Variants in PRKAR1B observed in about 807,000 individuals in gnomAD.
The protein encoded by PRKAR1B is protein kinase cAMP-dependent type I regulatory subunit beta.
In PRKAR1B, 22 loss-of-function variants were observed where a neutral mutation model predicts 46.5. The observed-to-expected ratio is 0.47, with a 90% CI of 0.34 to 0.68. The LOEUF (loss-of-function observed/expected upper bound fraction) is 0.68, where lower values mean the gene tolerates loss of function less well. Ranked by LOEUF, PRKAR1B falls within the 30% of genes least tolerant of loss-of-function variation. The pLI, the probability that PRKAR1B is intolerant of heterozygous loss-of-function variation, is 0.01. For missense variants in PRKAR1B, 445 were observed against 535.6 expected, an observed-to-expected ratio of 0.83 and a Z score of 1.67; for synonymous variants, 259 against 217.7, an observed-to-expected ratio of 1.19 and a Z score of -1.67.
Position 550,488 on chromosome 7 carries a change from G to A in PRKAR1B, c.1088C>T (p.Ser363Phe). 6.3e-7 allele frequency: 1 copy of A among 1,599,460 alleles called. No individual in the cohort carries two copies. Among genetic ancestry groups the A allele is most frequent in the Non-Finnish European group, 8.5e-7 (1 of 1,173,660 alleles). Residue 363 changes from serine to phenylalanine, a missense_variant, in exon 11 of 11, where the codon TCT becomes TTT. This residue lies in a region of PRKAR1B where 127 missense variants were observed against 138.0 expected (regional missense o/e 0.92). Coordinates refer to ENST00000537384, the MANE Select transcript of PRKAR1B (RefSeq NM_001164760.2). ...PRFERVLGPC[S>F]EILKRNIQRY... is the part of the protein sequence containing the mutation. ...CTGAATGTTCCTCTTGAGGATCTCAGAGCAGGGCCCCAGCACACGCTCGAA... is the reference window on the plus strand; with the variant it reads ...CTGAATGTTCCTCTTGAGGATCTCAAAGCAGGGCCCCAGCACACGCTCGAA...
Position 680,585 on chromosome 7 carries a change from C to T in PRKAR1B, c.319G>A (p.Glu107Lys). ...RGGVSAEVYT[E>K]EDAVSYVRKV... The stretch of plus-strand genomic sequence containing the variant: ...CTGACGTAGGACACGGCGTCCTCCT[C>T]GGTGTACACCTCGGCACTCACGCCT... The change falls in exon 3 of 11, where the codon GAG becomes AAG. Residue 107 changes from glutamate (E) to lysine (K), a missense_variant. Physicochemically the swap from Glu to Lys is moderately conservative, Grantham distance 56. This residue lies in a region of PRKAR1B where 94 missense variants were observed against 126.9 expected (regional missense o/e 0.74). Transcript: ENST00000537384. 2.5e-6 allele frequency: 4 copies of T among 1,589,440 alleles called. 1 individual carries two copies. The highest frequency in any genetic ancestry group is 4.6e-5 in the East Asian group (2 of 43,302).
intron 2 of PRKAR1B, among the ~76,000 whole-genome samples, chr7:686,844 C>T (rs1779121531): frequency 6.6e-6 from 1 of 152,118 alleles, no homozygotes. Flanking sequence ...AGCTGACAGG[C>T]TGAGGTTTCA....
chr7:561,141 A>G (rs1778767798), intron 9 of PRKAR1B, among the ~76,000 whole-genome samples: 1 of 151,538 alleles, frequency 6.6e-6, no homozygotes, highest in Non-Finnish European at 1.5e-5. Context: ...AAACACACAC[A>G]CACACACACC....
chr7:553,780 C>A (rs949951564), intron 9 of PRKAR1B, among the ~76,000 whole-genome samples: 1 of 152,280 alleles, frequency 6.6e-6, no homozygotes, highest in South Asian at 2.1e-4. Context: ...GCCCGCCACG[C>A]CTAGAATCTC....
intron 7 of PRKAR1B, among the ~76,000 whole-genome samples, chr7:594,459 G>A (rs1322216467): frequency 6.6e-6 from 1 of 152,192 alleles, no homozygotes; most frequent in African/African-American, 2.4e-5. Context: ...AGGTTCTGCT[G>A]TGTCACCCCC....
At chr7:662,453 T>G (rs1187628807) in intron 4 of PRKAR1B, among the ~76,000 whole-genome samples, 8 of 69,680 alleles carry the variant, frequency 1.1e-4, no homozygotes, top group East Asian at 5.8e-4. Context: ...GTGCCACAAG[T>G]TCCCCACCCC....
chr7:574,804 G>A (rs956728039), intron 9 of PRKAR1B, among the ~76,000 whole-genome samples: 4 of 152,198 alleles, frequency 2.6e-5, no homozygotes, highest in Admixed American at 6.5e-5. Context: ...TAATCCAAAT[G>A]TTTAAAAAAA....
chr7:683,382 T>C (rs753234799), intron 2 of PRKAR1B, among the ~76,000 whole-genome samples: 39 of 152,172 alleles, frequency 2.6e-4, no homozygotes, highest in Non-Finnish European at 4.9e-4. Flanking sequence ...GAATTGGCCA[T>C]TTAAAGTCAG....
chr7:573,701 C>T (rs1012801699), intron 9 of PRKAR1B, among the ~76,000 whole-genome samples: 2 of 152,208 alleles, frequency 1.3e-5, no homozygotes, highest in African/African-American at 4.8e-5. Flanking sequence ...AGGTAAAATC[C>T]GAGTCGTCAA....
chr7:691,491 C>A, intron 2 of PRKAR1B: 1 of 1,304,318 alleles, frequency 7.7e-7, no homozygotes. Context: ...CCCCCCAGCG[C>A]ACCACAGCCA....
chr7:651,124 T>C (rs1472572230), intron 4 of PRKAR1B, among the ~76,000 whole-genome samples: 2 of 152,172 alleles, frequency 1.3e-5, no homozygotes, highest in African/African-American at 2.4e-5. Flanking sequence ...CAAGAGCAGG[T>C]GCCAAATCTA....
At chr7:679,778 T>C (rs1778552878) in intron 3 of PRKAR1B, among the ~76,000 whole-genome samples, 1 of 152,060 alleles carries the variant, frequency 6.6e-6, no homozygotes, top group Non-Finnish European at 1.5e-5. Context: ...GCTATGGTAT[T>C]TGGAGAGAGG....
At chr7:659,709 C>CTTTTGTTTTTGT (rs370792639) in intron 4 of PRKAR1B, among the ~76,000 whole-genome samples, 1 of 152,084 alleles carries the variant, frequency 6.6e-6, no homozygotes, top group African/African-American at 2.4e-5. Context: ...CTTGTGAGGG[C>CTTTTGTTTTTGT]TTTTGTTTTT....
intron 2 of PRKAR1B, among the ~76,000 whole-genome samples, chr7:703,295 T>C (rs1464329659): frequency 6.6e-6 from 1 of 152,164 alleles, no homozygotes; most frequent in Non-Finnish European, 1.5e-5. Flanking sequence ...AGACAAATTA[T>C]AATTGGAAGT....
intron 4 of PRKAR1B, among the ~76,000 whole-genome samples, chr7:619,098 A>G (rs1291128145): frequency 6.6e-6 from 1 of 152,210 alleles, no homozygotes. Context: ...GCCCTAACTC[A>G]ATATGATTGG....
At chr7:595,658 C>T (rs527611152) in intron 7 of PRKAR1B, among the ~76,000 whole-genome samples, 1 of 152,318 alleles carries the variant, frequency 6.6e-6, no homozygotes. Flanking sequence ...CATACACCCA[C>T]GTGTGCACAC....
At position 726,834 on chromosome 7, in the gene PRKAR1B, G is replaced by A. The variant is rs1411422606; in HGVS notation, c.-23+376C>T. 7.5e-7 allele frequency: 1 copy of A among 1,329,656 alleles called. No homozygotes were observed. Among genetic ancestry groups the A allele is most frequent in the Non-Finnish European group, 9.6e-7 (1 of 1,042,578 alleles). 82.4% of individuals were successfully genotyped at this position (1,329,656 alleles called of 1,614,324 possible). ...CCCTGAGCCGCCTGCTGCCGGGGCT[G>A]GAGGCCGACAGCAAGCCGGGCCGGC... On this transcript the variant is annotated intron_variant, in intron 1 of 10. Coordinates refer to ENST00000537384, the MANE Select transcript of PRKAR1B (RefSeq NM_001164760.2).
intron 2 of PRKAR1B, among the ~76,000 whole-genome samples, chr7:690,410 C>T (rs1025993635): frequency 6.6e-6 from 1 of 151,876 alleles, no homozygotes; most frequent in South Asian, 2.1e-4. Flanking sequence ...AGCATCACGC[C>T]GCATCCCCAC....
At chr7:604,910 C>T (rs1562556049) in intron 6 of PRKAR1B, among the ~76,000 whole-genome samples, 2 of 152,102 alleles carry the variant, frequency 1.3e-5, no homozygotes, top group Non-Finnish European at 2.9e-5. Flanking sequence ...CCAGAGAAGA[C>T]TCAGCCAGCC....
Sources: gnomAD v4.1 joint callset for allele counts (sites outside exome capture counted in the v4.1 genomes callset) on GRCh38, gnomAD v4.1.1 for gene constraint, gnomAD v4.1.1 regional missense constraint, MANE v1.5 for transcripts, NCBI Gene and HGNC (gene_info 2026-07-23, HGNC 2026-07-21) for gene names.